SPRED2: variants seen among roughly 807,000 people sequenced by gnomAD.
SPRED2 encodes the protein sprouty related EVH1 domain containing 2, also known as sprouty-related, EVH1 domain-containing protein 2.
SPRED2 carries 47 observed loss-of-function variants against 43.0 expected under a neutral mutation model. That is an observed-to-expected ratio of 1.09 (90% CI 0.87 to 1.40). The LOEUF is 1.40. Ranked by LOEUF, SPRED2 falls within the 40% of genes most tolerant of loss-of-function variation. The probability of loss-of-function intolerance (pLI) is 0.00; values close to 1 mark genes in which losing one functional copy is unlikely to be tolerated. For missense variants in SPRED2, 561 were observed against 586.4 expected, an observed-to-expected ratio of 0.96 and a Z score of 0.45; for synonymous variants, 225 against 225.7, an observed-to-expected ratio of 1.00 and a Z score of 0.03.
chr2:65,317,340 C>T (rs1447783873), intron 4 of SPRED2, among the ~76,000 whole-genome samples: 2 of 152,176 alleles, frequency 1.3e-5, no homozygotes, highest in Non-Finnish European at 2.9e-5. Context: ...TGGCAAAACC[C>T]TGTCTCTACT....
intron 1 of SPRED2, among the ~76,000 whole-genome samples, chr2:65,418,681 G>A (rs928049251): frequency 2.6e-5 from 4 of 151,866 alleles, no homozygotes; most frequent in African/African-American, 9.7e-5. Flanking sequence ...AGCCTCCCAA[G>A]TAGCTGGGAC....
intron 1 of SPRED2, among the ~76,000 whole-genome samples, chr2:65,351,768 A>G (rs1317315794): frequency 6.6e-6 from 1 of 152,250 alleles, no homozygotes; most frequent in Non-Finnish European, 1.5e-5. Context: ...AAAATGCTTC[A>G]GTAGAATCAA....
intron 1 of SPRED2, among the ~76,000 whole-genome samples, chr2:65,389,869 C>T (rs1039160589): frequency 5.3e-5 from 8 of 152,130 alleles, no homozygotes; most frequent in African/African-American, 1.7e-4. Context: ...AATTGAAATA[C>T]ACTTTTAAAA....
At chr2:65,323,071 C>T (rs538538734) in intron 4 of SPRED2, among the ~76,000 whole-genome samples, 52 of 152,170 alleles carry the variant, frequency 3.4e-4, no homozygotes, top group Middle Eastern at 3.4e-3. Context: ...TTTGGCTCAC[C>T]GCAACCTCCG....
chr2:65,362,332 C>T (rs1002805171), intron 1 of SPRED2, among the ~76,000 whole-genome samples: 11 of 152,096 alleles, frequency 7.2e-5, no homozygotes, highest in African/African-American at 2.2e-4. Flanking sequence ...TGCAGTGGCG[C>T]GATCTGGGCT....
Position 65,336,473 on chromosome 2 carries a change from A to C in SPRED2, c.205-1700T>G, listed in dbSNP as rs368609001. 1.5e-4 allele frequency among the ~76,000 whole-genome samples: 23 copies of C among 152,210 alleles called. No individual in the cohort carries two copies. The East Asian group carries it at 1.5e-3, about 10-fold the overall frequency. ...GGTATATCAAATAGTAGTCCCAAGC[A>C]GTTAACTTTATTACATTGTATTGAG... is the stretch of plus-strand genomic sequence containing the variant. On this transcript the variant is annotated intron_variant, in intron 2 of 5. Coordinates refer to ENST00000356388, the MANE Select transcript of SPRED2 (RefSeq NM_181784.3).
At chr2:65,327,713 C>CTTTT (rs555549300) in intron 4 of SPRED2, among the ~76,000 whole-genome samples, 700 of 74,516 alleles carry the variant, frequency 9.4e-3, no homozygotes, top group Non-Finnish European at 0.011. Flanking sequence ...TTCTTTCTTT[C>CTTTT]TTTTTTTTTT....
At chr2:65,322,470 T>G (rs1186971883) in intron 4 of SPRED2, among the ~76,000 whole-genome samples, 1 of 151,706 alleles carries the variant, frequency 6.6e-6, no homozygotes, top group African/African-American at 2.4e-5. Flanking sequence ...ATACTTCGTA[T>G]TTTTAGTAGA....
chr2:65,388,405 G>A (rs2103674966), intron 1 of SPRED2, among the ~76,000 whole-genome samples: 1 of 152,330 alleles, frequency 6.6e-6, no homozygotes, highest in East Asian at 1.9e-4. Flanking sequence ...CGCCCTGCCT[G>A]CCCAGTGCCT....
At chr2:65,363,192 T>C (rs1007244902) in intron 1 of SPRED2, among the ~76,000 whole-genome samples, 55 of 144,976 alleles carry the variant, frequency 3.8e-4, no homozygotes, top group African/African-American at 1.2e-3. Flanking sequence ...TGAGCCGAGA[T>C]TGTGCCATTG....
chr2:65,333,560 G>A (rs900155383), intron 3 of SPRED2, among the ~76,000 whole-genome samples: 4 of 152,166 alleles, frequency 2.6e-5, no homozygotes, highest in African/African-American at 7.2e-5. Context: ...TAAGTACATG[G>A]ACACAATGCG....
chr2:65,415,717 A>AT (rs564902830), intron 1 of SPRED2, among the ~76,000 whole-genome samples: 29 of 150,472 alleles, frequency 1.9e-4, no homozygotes, highest in South Asian at 8.4e-4. Context: ...GCTGTAGGTG[A>AT]TTTTTTTTTT....
At chr2:65,347,794 G>T (rs1674397091) in intron 1 of SPRED2, among the ~76,000 whole-genome samples, 1 of 152,088 alleles carries the variant, frequency 6.6e-6, no homozygotes, top group Admixed American at 6.5e-5. Context: ...ACATGTTTCA[G>T]GTTGAACTCT....
At chr2:65,323,304 A>AT (rs1397167587) in intron 4 of SPRED2, among the ~76,000 whole-genome samples, 1 of 152,104 alleles carries the variant, frequency 6.6e-6, no homozygotes, top group African/African-American at 2.4e-5. Flanking sequence ...CCACTGTCAA[A>AT]TTTTTCTATG....
intron 2 of SPRED2, among the ~76,000 whole-genome samples, chr2:65,336,450 T>C (rs934714933): frequency 1.3e-4 from 20 of 152,156 alleles, no homozygotes; most frequent in African/African-American, 4.8e-4. Context: ...TTCAAATTGG[T>C]ATATCAAATA....
downstream of SPRED2, chr2:65,308,553 T>A: frequency 1.0e-6 from 1 of 985,346 alleles, no homozygotes; most frequent in Non-Finnish European, 1.2e-6. Context: ...TTCTCTCGAG[T>A]TCCTGATGTT....
intron 2 of SPRED2, among the ~76,000 whole-genome samples, chr2:65,340,214 C>T (rs943350568): frequency 6.6e-6 from 1 of 152,168 alleles, no homozygotes; most frequent in Admixed American, 6.5e-5. Context: ...AAACCAAAAG[C>T]TCTCTGAGGT....
intron 5 of SPRED2, among the ~76,000 whole-genome samples, chr2:65,315,303 A>G (rs1673201423): frequency 6.6e-6 from 1 of 152,148 alleles, no homozygotes; most frequent in Non-Finnish European, 1.5e-5. Flanking sequence ...ACTGCATAGG[A>G]CTGTTTTGAG....
chr2:65,424,610 G>C (rs914919142), intron 1 of SPRED2, among the ~76,000 whole-genome samples: 1 of 151,938 alleles, frequency 6.6e-6, no homozygotes, highest in South Asian at 2.1e-4. Flanking sequence ...CTGGGCAACA[G>C]AGCAAGACCC....
Sources: gnomAD v4.1 joint callset for allele counts (sites outside exome capture counted in the v4.1 genomes callset) on GRCh38, gnomAD v4.1.1 for gene constraint, MANE v1.5 for transcripts, NCBI Gene and HGNC (gene_info 2026-07-23, HGNC 2026-07-21) for gene names.